Variants in PTPN13 observed in about 807,000 individuals in gnomAD.
PTPN13 encodes the protein tyrosine-protein phosphatase non-receptor type 13.
In PTPN13, 191 loss-of-function variants were observed where a neutral mutation model predicts 284.0. The ratio of observed to expected loss-of-function variants is 0.67; its 90% CI spans 0.60 to 0.76. The LOEUF (loss-of-function observed/expected upper bound fraction) is 0.76, where lower values mean the gene tolerates loss of function less well. PTPN13 is among the 30% of genes least tolerant of loss of function. The pLI, the probability that PTPN13 is intolerant of heterozygous loss-of-function variation, is 0.00. For synonymous variants in PTPN13, 986 were observed against 1,022.3 expected (o/e 0.96, Z 0.68); for missense variants, 2,797 against 2,939.9 (o/e 0.95, Z 1.12).
chr4:86,692,360 T>C (rs1730116202), intron 5 of PTPN13, among the ~76,000 whole-genome samples: 1 of 152,192 alleles, frequency 6.6e-6, no homozygotes, highest in Admixed American at 6.5e-5. Context: ...CAAGTCTTCT[T>C]ATAGGTAGAA....
At position 86,788,433 on chromosome 4, in the gene PTPN13, T is replaced by C. The variant is rs79256193; in HGVS notation, c.6345+2497T>C. Among the ~76,000 whole-genome samples the C allele has an allele frequency of 3.9e-5, 6 of 152,356 alleles. No individual in the cohort carries two copies. In the East Asian group the frequency reaches 1.2e-3, roughly 29 times the overall value. On this transcript the variant is annotated intron_variant, in intron 40 of 47. Coordinates refer to ENST00000411767, the MANE Select transcript of PTPN13 (RefSeq NM_080683.3). ...ATTTACTGAATTGGTTCTAACAGTATATTCTGTAACTTTGAAAGTTTTATC... is the reference window on the plus strand; with the variant it reads ...ATTTACTGAATTGGTTCTAACAGTACATTCTGTAACTTTGAAAGTTTTATC...
chr4:86,732,418 T>A lies in PTPN13; in HGVS notation c.1627T>A (p.Phe543Ile). 6.3e-7 allele frequency: 1 copy of A among 1,597,666 alleles called. No homozygotes were observed. The highest frequency in any genetic ancestry group is 8.5e-7 in the Non-Finnish European group (1 of 1,170,738). Residue 543 changes from phenylalanine (F) to isoleucine (I), a missense_variant, in exon 11 of 48, where the codon TTT (phenylalanine) becomes ATT (isoleucine). Physicochemically the swap from Phe to Ile is conservative, Grantham distance 21 (BLOSUM62 0). Transcript: ENST00000411767. Reference protein sequence around the residue: ...RKLRNFFGPEFVKMTIEPFIS... With the variant: ...RKLRNFFGPEIVKMTIEPFIS... ...TTTGCAGAATTTCTTTGGCCCTGAG[T>A]TTGTGAAAATGACAATTGAACCATT...
chr4:86,627,663 A>C (rs767188229), intron 1 of PTPN13, among the ~76,000 whole-genome samples: 1 of 152,106 alleles, frequency 6.6e-6, no homozygotes, highest in African/African-American at 2.4e-5. Context: ...ATGACCTCCA[A>C]ATGTTTCCAC....
chr4:86,797,032 G>T (rs976994543), intron 41 of PTPN13, 103 bp downstream of exon 41: 1 of 834,582 alleles, frequency 1.2e-6, no homozygotes, highest in South Asian at 1.9e-5. Context: ...TAGTTGAGTA[G>T]ATTATAAAAC....
At chr4:86,681,863 AG>A (rs1224001888) in intron 3 of PTPN13, among the ~76,000 whole-genome samples, 12 of 152,104 alleles carry the variant, frequency 7.9e-5, no homozygotes, top group African/African-American at 2.4e-4. Flanking sequence ...CAGGAGGCGA[AG>A]GTTGCAGTGA....
At chr4:86,758,106 A>C (rs1249888680) in intron 20 of PTPN13, among the ~76,000 whole-genome samples, 154 bp from the exon 21 acceptor site, 3 of 152,250 alleles carry the variant, frequency 2.0e-5, no homozygotes, top group African/African-American at 4.8e-5. Context: ...CACTATAAAA[A>C]TATAAAATGT....
chr4:86,768,870 C>T (rs1018461904), intron 28 of PTPN13, among the ~76,000 whole-genome samples: 8 of 151,812 alleles, frequency 5.3e-5, no homozygotes, highest in Non-Finnish European at 1.0e-4. Flanking sequence ...CTGCCACATG[C>T]GGCTAATTTT....
chr4:86,659,990 T>C (rs931709825), intron 2 of PTPN13, among the ~76,000 whole-genome samples: 52 of 152,190 alleles, frequency 3.4e-4, no homozygotes, highest in African/African-American at 1.1e-3. Flanking sequence ...TGAGTACTTA[T>C]GTATTTCAAG....
At chr4:86,605,948 C>T (rs74486522) in intron 1 of PTPN13, among the ~76,000 whole-genome samples, 7,043 of 151,760 alleles carry the variant, frequency 0.046, 222 homozygotes, top group African/African-American at 0.06. Context: ...GGCCTCAGTC[C>T]ACATTTGCAG....
intron 1 of PTPN13, among the ~76,000 whole-genome samples, chr4:86,632,375 G>A (rs931216713): frequency 6.6e-6 from 1 of 152,146 alleles, no homozygotes; most frequent in African/African-American, 2.4e-5. Flanking sequence ...AAGGCAAACA[G>A]TTTTTGTTGT....
intron 1 of PTPN13, among the ~76,000 whole-genome samples, chr4:86,630,066 A>G (rs371021009): frequency 3.3e-5 from 5 of 152,278 alleles, no homozygotes; most frequent in African/African-American, 1.2e-4. Flanking sequence ...GCACCTGGCC[A>G]TAGTTCTTAA....
chr4:86,796,840 G>A (rs1012569562), intron 40 of PTPN13, 34 bp from the exon 41 acceptor site: 1 of 1,352,656 alleles, frequency 7.4e-7, no homozygotes, highest in Non-Finnish European at 1.0e-6. Context: ...TTGTTACAAT[G>A]GGCTGATTTG....
intron 6 of PTPN13, among the ~76,000 whole-genome samples, chr4:86,694,716 G>A (rs576436092): frequency 6.9e-6 from 1 of 144,438 alleles, no homozygotes; most frequent in South Asian, 2.2e-4. Flanking sequence ...TTTTGATTTT[G>A]TTGATTATCT....
At position 86,650,255 on chromosome 4, in the gene PTPN13, G is replaced by GGGATTA. The variant is rs1415846587; in HGVS notation, c.115+14885_115+14890dup. On this transcript the variant is annotated intron_variant, in intron 2 of 47. Transcript: ENST00000411767. Reference sequence around the variant, plus strand: ...GCCTGCCTCATCCTCCCAAAGTGCTGGGATTACAGGCATGAGCTACAACGT... The same window carrying GGGATTA: ...GCCTGCCTCATCCTCCCAAAGTGCTGGGATTAGGATTACAGGCATGAGCTACAACGT... Among the ~76,000 whole-genome samples, 5 of 152,110 alleles carry GGGATTA rather than the reference G, an allele frequency of 3.3e-5. No individual in the cohort carries two copies. In the East Asian group the frequency reaches 9.6e-4, roughly 29 times the overall value.
chr4:86,775,633 T>C lies in PTPN13; in HGVS notation c.5872T>C (p.Leu1958=), dbSNP rs1226524301. The C allele has an allele frequency of 6.2e-7, 1 of 1,611,812 alleles. No individual in the cohort carries two copies. Residue 1958 remains leucine, a synonymous_variant, in exon 35 of 48, where the codon TTG becomes CTG. Coordinates refer to ENST00000411767, the MANE Select transcript of PTPN13 (RefSeq NM_080683.3). Reference sequence around the variant, plus strand: ...AGCATTAGACATGTCACTTCCTTCATTGGTATTGAAAGCAACAAGGTACTC... The same window carrying C: ...AGCATTAGACATGTCACTTCCTTCACTGGTATTGAAAGCAACAAGGTACTC... ...NRALDMSLPS[L]VLKATRNDLP...
At chr4:86,664,043 T>A (rs1726796681) in intron 2 of PTPN13, among the ~76,000 whole-genome samples, 1 of 152,178 alleles carries the variant, frequency 6.6e-6, no homozygotes, top group African/African-American at 2.4e-5. Flanking sequence ...TTTTCATTTG[T>A]GTGTAGGATA....
In PTPN13 at chr4:86,735,747, G is replaced by A; in HGVS notation, c.2304+1G>A. The A allele has an allele frequency of 6.2e-7, 1 of 1,607,474 alleles. No homozygotes were observed. Among genetic ancestry groups the A allele is most frequent in the Non-Finnish European group, 8.5e-7 (1 of 1,177,790 alleles). On this transcript the variant is annotated splice_donor_variant, in intron 15 of 47. Transcript: ENST00000411767. LOFTEE classifies it high-confidence loss of function. ...AGAGACAGAGTTAGAATTTTTAAAG[G>A]TAAGCATCCAAGATTACAAATGATA...
chr4:86,809,398 A>G (rs1253118502), intron 45 of PTPN13, among the ~76,000 whole-genome samples: 2 of 152,160 alleles, frequency 1.3e-5, no homozygotes, highest in Admixed American at 6.6e-5. Context: ...GCACAATATA[A>G]TATTAAGAAT....
intron 10 of PTPN13, among the ~76,000 whole-genome samples, chr4:86,724,979 C>A (rs959945259): frequency 6.0e-5 from 9 of 150,826 alleles, no homozygotes; most frequent in African/African-American, 2.2e-4. Context: ...CCCCCCACCC[C>A]CCAACAGAAC....
Sources: gnomAD v4.1 joint callset for allele counts (sites outside exome capture counted in the v4.1 genomes callset) on GRCh38, gnomAD v4.1.1 for gene constraint, MANE v1.5 for transcripts, NCBI Gene and HGNC (gene_info 2026-07-23, HGNC 2026-07-21) for gene names.